GRAMD4: variants seen among roughly 807,000 people sequenced by gnomAD.
GRAMD4 encodes the protein GRAM domain-containing protein 4.
Under a neutral mutation model 83.9 loss-of-function variants are expected in GRAMD4, and 25 were observed. That is an observed-to-expected ratio of 0.30 (90% CI 0.22 to 0.42). The LOEUF is 0.42. Ranked by LOEUF, GRAMD4 falls within the 10% of genes least tolerant of loss-of-function variation. The pLI is 1.00. For synonymous variants in GRAMD4, 336 were observed against 320.9 expected (o/e 1.05, Z -0.50); for missense variants, 593 against 788.7 (o/e 0.75, Z 2.97).
At chr22:46,673,146 T>A (rs2082539039) in intron 14 of GRAMD4, 149 bp downstream of exon 14, 1 of 703,770 alleles carries the variant, frequency 1.4e-6, no homozygotes, top group South Asian at 2.0e-5. Flanking sequence ...GTTTTTTTTT[T>A]CCCTGTTACC....
rs951091824 is a variant in GRAMD4 at position 46,679,334 on chromosome 22, G to C, written c.*2083G>C. 9 of 984,930 alleles carry C rather than the reference G, an allele frequency of 9.1e-6. No homozygotes were observed. The Admixed American group carries it at 3.1e-4, about 34-fold the overall frequency. The allele number at this position is 984,930 out of a possible 1,614,324, so 61.0% of individuals were successfully genotyped here. A position where few individuals can be genotyped will look rare whatever the true frequency, so the allele number is the denominator to read the frequency against. On this transcript the variant is annotated 3_prime_UTR_variant, in exon 19 of 19. Transcript: ENST00000406902. ...AGAAAGGGAGATGAAAACTGACCAC[G>C]TGCCAGGTGTGGCCGAAGCCCCCAG...
chr22:46,656,958 C>T (rs2082253098), intron 3 of GRAMD4, among the ~76,000 whole-genome samples: 1 of 152,252 alleles, frequency 6.6e-6, no homozygotes, highest in South Asian at 2.1e-4. Flanking sequence ...CCCTCAGCCA[C>T]CATAGGCCAC....
At chr22:46,594,258 C>T (rs1329051228) in intron 1 of GRAMD4, among the ~76,000 whole-genome samples, 1 of 151,860 alleles carries the variant, frequency 6.6e-6, no homozygotes, top group Non-Finnish European at 1.5e-5. Context: ...CCTGGGTCCA[C>T]ACTGTCACCT....
Position 46,649,896 on chromosome 22 carries a change from C to T in GRAMD4, c.284-8291C>T, listed in dbSNP as rs190175713. On this transcript the variant is annotated intron_variant, in intron 3 of 18. Coordinates refer to ENST00000406902, the MANE Select transcript of GRAMD4 (RefSeq NM_015124.5). ...CTGTGCTGGTGGCTGTAGATGAAGC[C>T]GTACTCTGGGCTCTGCAGTGTAACT... is the stretch of plus-strand genomic sequence containing the variant. 1.5e-3 allele frequency among the ~76,000 whole-genome samples: 235 copies of T among 152,306 alleles called. 1 individual carries two copies. Among genetic ancestry groups the T allele is most frequent in the Admixed American group, 6.5e-3 (100 of 15,310 alleles).
chr22:46,674,541 C>T (rs1237656314), intron 15 of GRAMD4, 116 bp from the exon 16 acceptor site: 22 of 793,136 alleles, frequency 2.8e-5, no homozygotes, highest in South Asian at 1.1e-4. Context: ...GTGGGTGTGA[C>T]GTGAGCGCGG....
intron 1 of GRAMD4, among the ~76,000 whole-genome samples, chr22:46,613,817 C>T (rs1315827775): frequency 1.3e-5 from 2 of 151,166 alleles, no homozygotes; most frequent in African/African-American, 4.9e-5. Context: ...TCCTGCTTCC[C>T]AGGCTGTCTT....
chr22:46,615,021 GGGTTCCCCCGTGTGTA>G (rs2081461622), intron 1 of GRAMD4, among the ~76,000 whole-genome samples: 1 of 70,802 alleles, frequency 1.4e-5, no homozygotes, highest in Non-Finnish European at 2.8e-5. Flanking sequence ...CTGTGCGTGT[GGGTTCCCCCGTGTGTA>G]GGTTCCCCTG....
intron 3 of GRAMD4, among the ~76,000 whole-genome samples, chr22:46,646,364 C>T (rs996123805): frequency 9.2e-5 from 14 of 152,210 alleles, no homozygotes; most frequent in Non-Finnish European, 1.3e-4. Flanking sequence ...CTGGCCCTTA[C>T]GCCATGGGAG....
At chr22:46,590,103 GC>G (rs2081192310) in intron 1 of GRAMD4, among the ~76,000 whole-genome samples, 2 of 152,222 alleles carry the variant, frequency 1.3e-5, no homozygotes, top group Admixed American at 1.3e-4. Context: ...GGTGGGCAGA[GC>G]CGTGGCAGTC....
At chr22:46,585,547 G>A (rs934415722) in intron 1 of GRAMD4, among the ~76,000 whole-genome samples, 9 of 152,276 alleles carry the variant, frequency 5.9e-5, no homozygotes, top group South Asian at 2.1e-4. Flanking sequence ...GGAAGCCTCC[G>A]GTCACAGCAC....
chr22:46,615,611 CG>C (rs1212156358), upstream of GRAMD4, among the ~76,000 whole-genome samples: 1 of 84,728 alleles, frequency 1.2e-5, no homozygotes, highest in African/African-American at 5.0e-5. Context: ...GTAGGTTCCC[CG>C]TGCGTGTAGG....
upstream of GRAMD4, among the ~76,000 whole-genome samples, chr22:46,616,394 G>A (rs1369743252): frequency 2.7e-5 from 2 of 74,364 alleles, 1 homozygote; most frequent in African/African-American, 1.1e-4. Flanking sequence ...TCCCCTGTGC[G>A]TGTAGGTTCC....
At chr22:46,623,071 G>A (rs1032060727) in intron 1 of GRAMD4, among the ~76,000 whole-genome samples, 3 of 152,262 alleles carry the variant, frequency 2.0e-5, no homozygotes, top group Admixed American at 1.3e-4. Context: ...TACTCCCGAC[G>A]TCTGGCCCCA....
At chr22:46,632,987 C>T (rs539956773) in intron 2 of GRAMD4, among the ~76,000 whole-genome samples, 3 of 152,282 alleles carry the variant, frequency 2.0e-5, no homozygotes, top group East Asian at 1.9e-4. Flanking sequence ...GCCCCCCGCC[C>T]GGTGGGGATG....
At chr22:46,612,515 C>T (rs2081427887) in intron 1 of GRAMD4, among the ~76,000 whole-genome samples, 1 of 152,230 alleles carries the variant, frequency 6.6e-6, no homozygotes, top group Non-Finnish European at 1.5e-5. Flanking sequence ...TAGCCTGTAG[C>T]AGGCGCTGCC....
intron 3 of GRAMD4, among the ~76,000 whole-genome samples, chr22:46,644,697 G>GTTTTTTTTTTTT (rs71192437): frequency 3.1e-5 from 3 of 97,366 alleles, no homozygotes; most frequent in African/African-American, 1.2e-4. Context: ...CTTGTTCCCT[G>GTTTTTTTTTTTT]TTTTTTTTTT....
At chr22:46,661,616 T>C (rs2082329251) in intron 5 of GRAMD4, among the ~76,000 whole-genome samples, 174 bp downstream of exon 5, 1 of 152,236 alleles carries the variant, frequency 6.6e-6, no homozygotes, top group African/African-American at 2.4e-5. Context: ...GGGAATCTCC[T>C]CCCGTCAGAA....
At chr22:46,577,316 C>T (rs1028418853) in intron 1 of GRAMD4, 1 of 980,054 alleles carries the variant, frequency 1.0e-6, no homozygotes, top group South Asian at 4.5e-5. Flanking sequence ...GGACACCCAC[C>T]TACCCCGACC....
At chr22:46,657,417 A>G (rs1455132511) in intron 3 of GRAMD4, among the ~76,000 whole-genome samples, 1 of 152,160 alleles carries the variant, frequency 6.6e-6, no homozygotes, top group Non-Finnish European at 1.5e-5. Flanking sequence ...AGGAAGCGGG[A>G]GAGAGGCCGG....
Sources: allele counts gnomAD v4.1 joint callset (sites outside exome capture counted in the v4.1 genomes callset), GRCh38; gene constraint gnomAD v4.1.1; transcripts MANE v1.5; gene names NCBI Gene and HGNC (gene_info 2026-07-23, HGNC 2026-07-21).